The following LUC7L3 variants were observed in gnomAD, a reference collection of about 807,000 sequenced individuals.
LUC7L3 encodes luc7-like protein 3.
In LUC7L3, 6 loss-of-function variants were observed where a neutral mutation model predicts 66.8. The ratio of observed to expected loss-of-function variants is 0.09; its 90% confidence interval spans 0.05 to 0.18. The LOEUF is 0.18. Among genes scored for constraint, LUC7L3 ranks in the 10% least tolerant of loss-of-function variants. LUC7L3 has a pLI of 1.00. For missense variants in LUC7L3, 341 were observed against 531.1 expected (o/e 0.64, Z 3.52); for synonymous variants, 160 against 174.7 (o/e 0.92, Z 0.66).
At chr17:50,738,722 T>C (rs1051927390) in intron 2 of LUC7L3, among the ~76,000 whole-genome samples, 4 of 152,202 alleles carry the variant, frequency 2.6e-5, no homozygotes, top group Non-Finnish European at 5.9e-5. Flanking sequence ...CCAGGAACTG[T>C]ACTACCAGCT....
At chr17:50,748,499 G>C (rs1335166989) in intron 9 of LUC7L3, 1 of 144,948 alleles carries the variant, frequency 6.9e-6, no homozygotes, top group Non-Finnish European at 1.5e-5. Context: ...TTTTTTTTTT[G>C]GGGGGGTAGA....
chr17:50,723,966 G>A (rs768349082), intron 1 of LUC7L3: 9 of 455,732 alleles, frequency 2.0e-5, no homozygotes, highest in Non-Finnish European at 4.0e-5. Context: ...TAGTAAAATA[G>A]TAAGTGTTGG....
intron 1 of LUC7L3, among the ~76,000 whole-genome samples, chr17:50,731,375 C>A (rs551222599): frequency 6.6e-6 from 1 of 152,234 alleles, no homozygotes; most frequent in Non-Finnish European, 1.5e-5. Context: ...ACCATGTTGG[C>A]CAGGCTGGTC....
intron 9 of LUC7L3, 124 bp downstream of exon 9, chr17:50,746,826 C>T (rs1323038059): frequency 2.7e-6 from 2 of 729,976 alleles, no homozygotes; most frequent in Admixed American, 3.3e-5. Flanking sequence ...TGAGGAATGC[C>T]ATTCAGTAGG....
rs1567883448 is a variant in LUC7L3 at position 50,752,839 on chromosome 17, A to G, written c.*2178A>G. ...TAATGTTTTAAATAATGGTGCTTCA[A>G]TTTTAGGTGGTTATGAATAAATTTG... is the stretch of plus-strand genomic sequence containing the variant. On this transcript the variant is annotated 3_prime_UTR_variant, in exon 10 of 10. Transcript: ENST00000505658. 6.6e-6 allele frequency: 1 copy of G among 152,174 alleles called. No homozygotes were observed. The highest frequency in any genetic ancestry group is 2.4e-5 in the African/African-American group (1 of 41,452). 9.4% of individuals were successfully genotyped at this position (152,174 alleles called of 1,614,324 possible). A position where few individuals can be genotyped will look rare whatever the true frequency, so the allele number is the denominator to read the frequency against.
In LUC7L3 at chr17:50,719,820, G is replaced by T. The variant is rs1393285201; in HGVS notation, c.88G>T (p.Asp30Tyr). 1 of 1,606,230 alleles carries T rather than the reference G, an allele frequency of 6.2e-7. No individual in the cohort carries two copies. Among genetic ancestry groups the T allele is most frequent in the Non-Finnish European group, 8.5e-7 (1 of 1,177,694 alleles). ...CGAGAAGCGCAGCAACGTGCGGTGG[G>T]ACCACGAGAGCGTAAGTCCCGCGGG... ...PDEKRSNVRW[D>Y]HESVCKYYLC... The change falls in exon 1 of 10, where the codon GAC (aspartate) becomes TAC (tyrosine). Residue 30 changes from aspartate to tyrosine, a missense_variant. Physicochemically the swap from Asp to Tyr is radical, Grantham distance 160. Transcript: ENST00000505658.
intron 8 of LUC7L3, 77 bp from the exon 9 acceptor site, chr17:50,746,465 A>T: frequency 7.6e-7 from 1 of 1,309,708 alleles, no homozygotes; most frequent in Non-Finnish European, 1.1e-6. Context: ...TAGTCTTGTT[A>T]ATTAATAGCA....
At chr17:50,728,831 G>A (rs1041431226) in intron 1 of LUC7L3, among the ~76,000 whole-genome samples, 1 of 152,192 alleles carries the variant, frequency 6.6e-6, no homozygotes. Context: ...TAGGATTGCA[G>A]GTGTGAGCCA....
chr17:50,755,514 T>C lies in LUC7L3; in HGVS notation c.*4853T>C, dbSNP rs189565935. 9 of 152,318 alleles carry C rather than the reference T, an allele frequency of 5.9e-5. No individual in the cohort carries two copies. The highest frequency in any genetic ancestry group is 1.9e-4 in the African/African-American group (8 of 41,594). 9.4% of individuals were successfully genotyped at this position (152,318 alleles called of 1,614,324 possible). A position where few individuals can be genotyped will look rare whatever the true frequency, so the allele number is the denominator to read the frequency against. ...AGCAGAGAAGTAAATGTATTTTTCA[T>C]TGTTGTATCAGAATTTTGAATTTAC... On this transcript the variant is annotated 3_prime_UTR_variant, in exon 10 of 10. Transcript: ENST00000505658.
At chr17:50,730,137 T>G (rs954121365) in intron 1 of LUC7L3, among the ~76,000 whole-genome samples, 12 of 151,346 alleles carry the variant, frequency 7.9e-5, no homozygotes, top group African/African-American at 2.9e-4. Flanking sequence ...CACCCCTGGC[T>G]AATTTTTTTG....
chr17:50,739,589 A>G (rs2146745169), intron 2 of LUC7L3, among the ~76,000 whole-genome samples: 1 of 152,204 alleles, frequency 6.6e-6, no homozygotes, highest in Non-Finnish European at 1.5e-5. Context: ...GGTGGGCAGA[A>G]GTTGCGGTGA....
chr17:50,750,360 T>C, intron 9 of LUC7L3, 141 bp from the exon 10 acceptor site: 1 of 761,070 alleles, frequency 1.3e-6, no homozygotes, highest in Non-Finnish European at 2.1e-6. Flanking sequence ...TTTTATCCCT[T>C]TGGTAAATTC....
chr17:50,740,264 A>G (rs1970267262), intron 2 of LUC7L3, 42 bp from the exon 3 acceptor site: 1 of 1,442,918 alleles, frequency 6.9e-7, no homozygotes, highest in African/African-American at 1.4e-5. Flanking sequence ...AAAGGTTGCT[A>G]ATAATCACAG....
intron 4 of LUC7L3, 86 bp downstream of exon 4, chr17:50,741,332 C>G: frequency 1.5e-6 from 2 of 1,298,892 alleles, no homozygotes; most frequent in Admixed American, 2.6e-5. Flanking sequence ...AACTTGTCTT[C>G]TGTTCATTAC....
chr17:50,743,953 A>G, intron 6 of LUC7L3, 143 bp downstream of exon 6: 1 of 634,110 alleles, frequency 1.6e-6, no homozygotes, highest in Non-Finnish European at 2.8e-6. Flanking sequence ...GGCATCTACT[A>G]AGCTCTGCCT....
intron 1 of LUC7L3, among the ~76,000 whole-genome samples, chr17:50,728,751 G>A (rs1315355418): frequency 1.3e-5 from 2 of 152,052 alleles, no homozygotes; most frequent in East Asian, 1.9e-4. Context: ...ACGGCGTTTC[G>A]CCATTTTGGC....
chr17:50,729,918 ATATATATATATATATATATATATATATG>A (rs199634234), intron 1 of LUC7L3, among the ~76,000 whole-genome samples: 4,837 of 39,486 alleles, frequency 0.12, 256 homozygotes, highest in African/African-American at 0.21. Context: ...ATATATATAT[ATATATATATATATATATATATATATATG>A]TATGTATTTT....
In LUC7L3 at chr17:50,755,012, A is replaced by G. The variant is rs1971085577; in HGVS notation, c.*4351A>G. ...GTGAATATGTTTTTAAACATCTGATATGTGCATGAAACAAAAAACACTTGA... is the reference window on the plus strand; with the variant it reads ...GTGAATATGTTTTTAAACATCTGATGTGTGCATGAAACAAAAAACACTTGA... On this transcript the variant is annotated 3_prime_UTR_variant, in exon 10 of 10. Coordinates refer to ENST00000505658, the MANE Select transcript of LUC7L3 (RefSeq NM_016424.5). 6.6e-6 allele frequency: 1 copy of G among 152,190 alleles called. No individual in the cohort carries two copies. The highest frequency in any genetic ancestry group is 1.5e-5 in the Non-Finnish European group (1 of 68,032). 9.4% of individuals were successfully genotyped at this position (152,190 alleles called of 1,614,324 possible). A position where few individuals can be genotyped will look rare whatever the true frequency, so the allele number is the denominator to read the frequency against.
At chr17:50,749,745 A>G (rs11867565) in intron 9 of LUC7L3, among the ~76,000 whole-genome samples, 27,701 of 152,178 alleles carry the variant, frequency 0.18, 3,325 homozygotes, top group Non-Finnish European at 0.25. Flanking sequence ...GAATACTTGG[A>G]ACTGAAAAGG....
Sources: allele counts gnomAD v4.1 joint callset (sites outside exome capture counted in the v4.1 genomes callset), GRCh38; gene constraint gnomAD v4.1.1; transcripts MANE v1.5; gene names NCBI Gene and HGNC (gene_info 2026-07-23, HGNC 2026-07-21).